Variants in TIAM1 observed in about 807,000 individuals in gnomAD.
The protein encoded by TIAM1 is rho guanine nucleotide exchange factor TIAM1.
TIAM1 carries 65 observed loss-of-function variants against 163.5 expected under a neutral mutation model. The observed-to-expected ratio is 0.40, with a 90% CI of 0.33 to 0.49. TIAM1 has a LOEUF of 0.49. Ranked by LOEUF, TIAM1 falls within the 20% of genes least tolerant of loss-of-function variation. The pLI, the probability that TIAM1 is intolerant of heterozygous loss-of-function variation, is 0.77. For synonymous variants in TIAM1, 833 were observed against 810.1 expected, an observed-to-expected ratio of 1.03 and a Z score of -0.48; for missense variants, 1,789 against 2,044.7, an observed-to-expected ratio of 0.87 and a Z score of 2.41.
intron 2 of TIAM1, among the ~76,000 whole-genome samples, chr21:31,391,388 G>C (rs558978673): frequency 6.6e-6 from 1 of 152,238 alleles, no homozygotes; most frequent in South Asian, 2.1e-4. Context: ...ACTTTGGGAG[G>C]CCGAGACAGG....
Position 31,130,210 on chromosome 21 carries a change from TACCTGCACTCGCCAAAGCTCGA to T in TIAM1, c.4026_4045+2del. 1.2e-6 allele frequency: 2 copies of T among 1,613,494 alleles called. No individual in the cohort carries two copies. Among genetic ancestry groups the T allele is most frequent in the Non-Finnish European group, 1.7e-6 (2 of 1,179,520 alleles). The stretch of plus-strand genomic sequence containing the variant: ...GAAATACCCAGCACAGGTGAGAGTT[TACCTGCACTCGCCAAAGCTCGA>T]ACCTGCAGCGCTTCCGTGGGGATCA... On this transcript the variant is annotated splice_donor_variant and coding_sequence_variant, in exon 25 of 28. Coordinates refer to ENST00000541036, the MANE Select transcript of TIAM1 (RefSeq NM_001353694.2). LOFTEE classifies it high-confidence loss of function.
chr21:31,381,995 T>C (rs1020351697), intron 2 of TIAM1, among the ~76,000 whole-genome samples: 2 of 152,178 alleles, frequency 1.3e-5, no homozygotes, highest in African/African-American at 4.8e-5. Context: ...TGTTTGTTGA[T>C]TAAGCTGCCC....
intron 2 of TIAM1, among the ~76,000 whole-genome samples, chr21:31,287,699 CAGT>C (rs1489755738): frequency 3.3e-5 from 5 of 152,082 alleles, no homozygotes; most frequent in Admixed American, 6.6e-5. Flanking sequence ...CCCAATGTTG[CAGT>C]GAGGCGAGTG....
intron 12 of TIAM1, among the ~76,000 whole-genome samples, chr21:31,196,478 A>ATTTTTTTTTTTTTTTTTTT (rs59358430): frequency 5.9e-4 from 78 of 133,080 alleles, no homozygotes; most frequent in African/African-American, 2.3e-3. Flanking sequence ...CATCTGGCTA[A>ATTTTTTTTTTTTTTTTTTT]TTTTTTTTTT....
intron 2 of TIAM1, among the ~76,000 whole-genome samples, chr21:31,372,046 G>A (rs1475563257): frequency 6.6e-6 from 1 of 152,152 alleles, no homozygotes; most frequent in Non-Finnish European, 1.5e-5. Flanking sequence ...GCAACCCTGA[G>A]GCAATATGAG....
At chr21:31,195,126 A>T in intron 13 of TIAM1, 98 bp downstream of exon 13, 1 of 907,854 alleles carries the variant, frequency 1.1e-6, no homozygotes, top group Non-Finnish European at 1.7e-6. Context: ...TATCTGTTTT[A>T]GATAGGACTC....
chr21:31,388,123 C>T (rs2076907455), intron 2 of TIAM1, among the ~76,000 whole-genome samples: 2 of 151,850 alleles, frequency 1.3e-5, no homozygotes, highest in South Asian at 4.2e-4. Flanking sequence ...GCTTCTTGTG[C>T]TGTCTGCAAA....
At chr21:31,424,308 C>T (rs2043704123) in intron 2 of TIAM1, among the ~76,000 whole-genome samples, 2 of 152,172 alleles carry the variant, frequency 1.3e-5, no homozygotes, top group African/African-American at 4.8e-5. Context: ...TACGATCTCA[C>T]AGCCAGTGTG....
intron 2 of TIAM1, among the ~76,000 whole-genome samples, chr21:31,436,504 G>A (rs1166881466): frequency 2.6e-5 from 4 of 152,176 alleles, no homozygotes; most frequent in South Asian, 2.1e-4. Flanking sequence ...ACGCATGCCT[G>A]TAATCCCAGC....
At position 31,118,736 on chromosome 21, in the gene TIAM1, C is replaced by G; in HGVS notation, c.*1632G>C. The G allele has an allele frequency of 2.5e-6, 1 of 401,454 alleles. No homozygotes were observed. The highest frequency in any genetic ancestry group is 1.8e-5 in the South Asian group (1 of 54,154). 24.9% of individuals were successfully genotyped at this position (401,454 alleles called of 1,614,324 possible). ...TGATACAAAGGGTATAGAAACCATT[C>G]TAAAGCTTTTTCAGAAAACCAGAAG... On this transcript the variant is annotated 3_prime_UTR_variant, in exon 28 of 28. Transcript: ENST00000541036.
At chr21:31,449,851 G>A (rs1490140749) in intron 2 of TIAM1, among the ~76,000 whole-genome samples, 1 of 152,168 alleles carries the variant, frequency 6.6e-6, no homozygotes, top group Non-Finnish European at 1.5e-5. Context: ...AGAGGTCCCT[G>A]CAGATTGACC....
chr21:31,394,724 T>TCTCTCTCG (rs1555967068), intron 2 of TIAM1, among the ~76,000 whole-genome samples: 13 of 128,918 alleles, frequency 1.0e-4, no homozygotes, highest in African/African-American at 3.9e-4. Flanking sequence ...TCTCTCTCTC[T>TCTCTCTCG]CTCTCACACA....
chr21:31,245,889 T>G (rs987542119), intron 5 of TIAM1, among the ~76,000 whole-genome samples: 1 of 152,178 alleles, frequency 6.6e-6, no homozygotes, highest in Non-Finnish European at 1.5e-5. Flanking sequence ...CCTTCCTGCA[T>G]GCCCTCAAGT....
intron 2 of TIAM1, among the ~76,000 whole-genome samples, chr21:31,449,844 G>A (rs186656171): frequency 5.1e-4 from 78 of 152,320 alleles, no homozygotes; most frequent in African/African-American, 1.9e-3. Context: ...TACCAAGAGA[G>A]GTCCCTGCAG....
rs547033511 is a variant in TIAM1 at position 31,215,939 on chromosome 21, T to A, written c.2142+1614A>T. Among the ~76,000 whole-genome samples the A allele has an allele frequency of 5.4e-4, 82 of 152,262 alleles. 1 individual carries two copies. In the East Asian group the frequency reaches 0.014, roughly 25 times the overall value. On this transcript the variant is annotated intron_variant, in intron 9 of 27. Transcript: ENST00000541036. Reference sequence around the variant, plus strand: ...ACTTTGGGAGGCCGAAGTGGGCAGATCACTTGAGGTCAGGAGTTCGAGACC... The same window carrying A: ...ACTTTGGGAGGCCGAAGTGGGCAGAACACTTGAGGTCAGGAGTTCGAGACC...
At chr21:31,310,759 G>A (rs1402475969) in intron 2 of TIAM1, among the ~76,000 whole-genome samples, 1 of 152,154 alleles carries the variant, frequency 6.6e-6, no homozygotes, top group Admixed American at 6.5e-5. Context: ...AGTTAGAAAA[G>A]TGCTCTTGTT....
intron 1 of TIAM1, among the ~76,000 whole-genome samples, chr21:31,524,556 G>C (rs2047716836): frequency 6.6e-6 from 1 of 152,166 alleles, no homozygotes; most frequent in Non-Finnish European, 1.5e-5. Context: ...ATGGCAAAAA[G>C]CATTTGCTGG....
At chr21:31,213,545 G>A in intron 9 of TIAM1, 73 bp from the exon 10 acceptor site, 1 of 1,307,952 alleles carries the variant, frequency 7.6e-7, no homozygotes, top group Admixed American at 1.7e-5. Flanking sequence ...AAGGGGGAAG[G>A]AAATGGGCAT....
At chr21:31,197,293 CT>C in intron 12 of TIAM1, among the ~76,000 whole-genome samples, 1 of 152,132 alleles carries the variant, frequency 6.6e-6, no homozygotes, top group East Asian at 1.9e-4. Flanking sequence ...GGAAAAAGAG[CT>C]TTGTACAAAG....
Sources: gnomAD v4.1 joint callset for allele counts (sites outside exome capture counted in the v4.1 genomes callset) on GRCh38, gnomAD v4.1.1 for gene constraint, MANE v1.5 for transcripts, NCBI Gene and HGNC (gene_info 2026-07-23, HGNC 2026-07-21) for gene names.